The following SNX25 variants were observed in gnomAD, a reference collection of about 807,000 sequenced individuals.
SNX25 encodes sorting nexin 25.
Under a neutral mutation model 113.7 loss-of-function variants are expected in SNX25, and 62 were observed. The observed-to-expected ratio is 0.55, with a 90% CI of 0.44 to 0.67. The LOEUF is 0.67. Ranked by LOEUF, SNX25 falls within the 30% of genes least tolerant of loss-of-function variation. SNX25 has a pLI of 0.00. For synonymous variants in SNX25, 421 were observed against 436.2 expected, an observed-to-expected ratio of 0.97 and a Z score of 0.43; for missense variants, 1,014 against 1,161.0, an observed-to-expected ratio of 0.87 and a Z score of 1.84.
intron 6 of SNX25, among the ~76,000 whole-genome samples, chr4:185,290,692 G>A (rs1335940471): frequency 6.7e-6 from 1 of 148,908 alleles, no homozygotes; most frequent in African/African-American, 2.5e-5. Flanking sequence ...TTAATACGGT[G>A]TATTCTGGTT....
intron 1 of SNX25, among the ~76,000 whole-genome samples, chr4:185,229,176 G>A (rs982821440): frequency 6.7e-6 from 1 of 149,992 alleles, no homozygotes; most frequent in Non-Finnish European, 1.5e-5. Context: ...TCATCTGTGG[G>A]CGTGGTACGA....
intron 6 of SNX25, among the ~76,000 whole-genome samples, chr4:185,294,123 AGAG>A (rs1344995555): frequency 3.3e-5 from 5 of 152,192 alleles, no homozygotes; most frequent in African/African-American, 9.6e-5. Flanking sequence ...CTGACTTTAC[AGAG>A]GAGGGAACAG....
chr4:185,363,987 T>A (rs2095377701), downstream of SNX25: 1 of 153,036 alleles, frequency 6.5e-6, no homozygotes, highest in South Asian at 2.1e-4. The surrounding 1 kb of genome is among the most constrained non-coding windows in gnomAD (Gnocchi z 4.2). Context: ...CTATGATATT[T>A]AAGATACTTA....
At chr4:185,215,168 G>T (rs1384864897) in intron 1 of SNX25, among the ~76,000 whole-genome samples, 1 of 152,080 alleles carries the variant, frequency 6.6e-6, no homozygotes, top group South Asian at 2.1e-4. Context: ...GGCGGAGCTT[G>T]CAGTGAGCCG....
At chr4:185,311,493 C>CA (rs2095030114) in intron 7 of SNX25, among the ~76,000 whole-genome samples, 1 of 152,152 alleles carries the variant, frequency 6.6e-6, no homozygotes, top group African/African-American at 2.4e-5. Context: ...ACTTGTCTTC[C>CA]AAGACCTGGA....
In SNX25 at chr4:185,332,587, C is replaced by T. The variant is rs567470666; in HGVS notation, c.1750-8C>T. The T allele has an allele frequency of 1.2e-6, 2 of 1,601,158 alleles. No homozygotes were observed. Among genetic ancestry groups the T allele is most frequent in the East Asian group, 4.5e-5 (2 of 44,708 alleles). ...ATAAGATATGGTGGTATGTGACTCT[C>T]CCCCTAGGGCCCAAGAGATGAGGCT... On this transcript the variant is annotated splice_region_variant and splice_polypyrimidine_tract_variant and intron_variant, in intron 9 of 18. Coordinates refer to ENST00000652585, the MANE Select transcript of SNX25 (RefSeq NM_001378034.2).
chr4:185,241,004 A>T (rs1331114774), intron 1 of SNX25, among the ~76,000 whole-genome samples: 1 of 146,044 alleles, frequency 6.8e-6, no homozygotes. Flanking sequence ...CTGGGCAGCC[A>T]GGCAGAGAGG....
At chr4:185,309,564 A>G (rs1372923164) in intron 6 of SNX25, among the ~76,000 whole-genome samples, 1 of 152,108 alleles carries the variant, frequency 6.6e-6, no homozygotes, top group Non-Finnish European at 1.5e-5. Context: ...CTGGCTTCTC[A>G]TGTTGGAAAC....
chr4:185,370,774 C>T (rs765686066), downstream of SNX25: 7 of 1,614,044 alleles, frequency 4.3e-6, no homozygotes, highest in East Asian at 2.2e-5. Context: ...GTGACCTGGG[C>T]GATCATGGGG....
At chr4:185,213,588 C>T (rs536246751) in intron 1 of SNX25, among the ~76,000 whole-genome samples, 1 of 152,218 alleles carries the variant, frequency 6.6e-6, no homozygotes, top group South Asian at 2.1e-4. Context: ...TGTGGGTTGT[C>T]AGAGTGTGGT....
At chr4:185,212,852 TGAA>T (rs1046169098) in intron 1 of SNX25, among the ~76,000 whole-genome samples, 8 of 152,338 alleles carry the variant, frequency 5.3e-5, no homozygotes, top group African/African-American at 1.9e-4. Flanking sequence ...GGATTCAGCG[TGAA>T]GAAGAGAATC....
chr4:185,240,827 C>T (rs1743793394), intron 1 of SNX25, among the ~76,000 whole-genome samples: 1 of 150,874 alleles, frequency 6.6e-6, no homozygotes, highest in African/African-American at 2.4e-5. Context: ...CAGAGGGTCT[C>T]CTCACTTCTC....
rs1747786628 is a variant in SNX25, at chr4:185,264,564, G to A, written c.858G>A (p.Gln286=). Residue 286 remains glutamine (Q), a synonymous_variant, in exon 4 of 19, where the codon CAG becomes CAA. Transcript: ENST00000652585. ...GTCTCCTCCCCTCAAAGGATGTGCA[G>A]TCTCTCAGCTTACGTATAATGCTTG... ...VFCLLPSKDV[Q]SLSLRIMLAE... is the part of the protein sequence containing the mutation. 2.5e-6 allele frequency: 4 copies of A among 1,613,914 alleles called. No homozygotes were observed. The highest frequency in any genetic ancestry group is 3.4e-6 in the Non-Finnish European group (4 of 1,179,940).
chr4:185,376,549 C>T, the SNX25 span, among the ~76,000 whole-genome samples: 1 of 151,792 alleles, frequency 6.6e-6, no homozygotes, highest in Admixed American at 6.6e-5. Context: ...CTGCCTCGGC[C>T]TCCCGAAGTA....
chr4:185,264,365 T>A, intron 3 of SNX25, 73 bp from the exon 4 acceptor site: 1 of 1,382,940 alleles, frequency 7.2e-7, no homozygotes, highest in East Asian at 2.3e-5. Flanking sequence ...ATTTGAAATA[T>A]TTTTTACCTA....
At chr4:185,265,146 A>G (rs567168705) in intron 4 of SNX25, among the ~76,000 whole-genome samples, 11 of 152,218 alleles carry the variant, frequency 7.2e-5, no homozygotes, top group Admixed American at 6.6e-4. Context: ...TCAAATTCTG[A>G]TTAGCATATT....
chr4:185,221,631 T>G (rs2126348355), intron 1 of SNX25, among the ~76,000 whole-genome samples: 1 of 152,292 alleles, frequency 6.6e-6, no homozygotes, highest in South Asian at 2.1e-4. Context: ...CCTAATCAAA[T>G]TCCTCTTCAG....
intron 1 of SNX25, among the ~76,000 whole-genome samples, chr4:185,244,960 C>G (rs1360678947): frequency 2.6e-5 from 4 of 152,128 alleles, no homozygotes; most frequent in Non-Finnish European, 4.4e-5. Context: ...AAATTCTCCA[C>G]TCCCAGTTGG....
chr4:185,289,128 C>T (rs1351403971), intron 6 of SNX25, among the ~76,000 whole-genome samples: 2 of 152,166 alleles, frequency 1.3e-5, no homozygotes, highest in South Asian at 2.1e-4. Context: ...TTCCTCAGCT[C>T]AGCCTGTAAG....
Sources: allele counts gnomAD v4.1 joint callset (sites outside exome capture counted in the v4.1 genomes callset), GRCh38; gene constraint gnomAD v4.1.1; non-coding constraint Gnocchi (gnomAD v3.1); transcripts MANE v1.5; gene names NCBI Gene and HGNC (gene_info 2026-07-23, HGNC 2026-07-21).